Variants in PLCB1 observed in about 807,000 individuals in gnomAD.
The protein encoded by PLCB1 is 1-phosphatidylinositol 4,5-bisphosphate phosphodiesterase beta-1.
PLCB1 carries 46 observed loss-of-function variants against 161.8 expected under a neutral mutation model. The observed-to-expected ratio is 0.28, with a 90% CI of 0.22 to 0.36. The LOEUF is 0.36. Among genes scored for constraint, PLCB1 ranks in the 10% least tolerant of loss-of-function variants. The probability of loss-of-function intolerance (pLI) is 1.00; values close to 1 mark genes in which losing one functional copy is unlikely to be tolerated. For synonymous variants in PLCB1, 517 were observed against 503.7 expected, an observed-to-expected ratio of 1.03 and a Z score of -0.35; for missense variants, 1,016 against 1,472.5, an observed-to-expected ratio of 0.69 and a Z score of 5.07.
chr20:8,650,169 TG>T (rs60243470), intron 7 of PLCB1, among the ~76,000 whole-genome samples: 14,645 of 152,134 alleles, frequency 0.096, 1,477 homozygotes, highest in African/African-American at 0.25. Context: ...CCCTTCTTGA[TG>T]TTTTTTTTAA....
chr20:8,233,158 A>G (rs138870224), intron 2 of PLCB1, among the ~76,000 whole-genome samples: 33 of 152,284 alleles, frequency 2.2e-4, no homozygotes, highest in African/African-American at 7.9e-4. Context: ...TGTTACAGTC[A>G]TTTATTCAAT....
chr20:8,222,013 A>G (rs1025395127), intron 2 of PLCB1, among the ~76,000 whole-genome samples: 2 of 152,186 alleles, frequency 1.3e-5, no homozygotes, highest in African/African-American at 2.4e-5. Flanking sequence ...AAATCATGCA[A>G]TCATAGAGGC....
chr20:8,633,472 G>T (rs944985335), intron 4 of PLCB1, among the ~76,000 whole-genome samples: 11 of 152,052 alleles, frequency 7.2e-5, no homozygotes, highest in African/African-American at 2.7e-4. Context: ...GTATTTGATT[G>T]TATTAAAAAG....
rs191114592 is a variant in PLCB1, at chr20:8,806,283, A to G, written c.3423+16022A>G. 3.3e-5 allele frequency among the ~76,000 whole-genome samples: 5 copies of G among 152,078 alleles called. No individual in the cohort carries two copies. The East Asian group carries it at 9.7e-4, about 30-fold the overall frequency. ...GTTCATCGCATCTGCTGGGGAAGCA[A>G]TGCCAAGCAGAAGGAAAGGGAGACA... On this transcript the variant is annotated intron_variant, in intron 31 of 31. Coordinates refer to ENST00000338037, the MANE Select transcript of PLCB1 (RefSeq NM_015192.4).
chr20:8,708,920 T>A (rs551341088), intron 12 of PLCB1, among the ~76,000 whole-genome samples, 168 bp downstream of exon 12: 1 of 152,358 alleles, frequency 6.6e-6, no homozygotes, highest in Non-Finnish European at 1.5e-5. Flanking sequence ...CTTAAAATAA[T>A]CAACATTAAA....
chr20:8,830,023 GGTCTTTGATTTA>G (rs1413214249), intron 31 of PLCB1, among the ~76,000 whole-genome samples: 1 of 152,118 alleles, frequency 6.6e-6, no homozygotes, highest in Non-Finnish European at 1.5e-5. Flanking sequence ...CACTACCAGT[GGTCTTTGATTTA>G]TAACTGCTGG....
At chr20:8,146,654 C>CT (rs1217214826) in intron 1 of PLCB1, among the ~76,000 whole-genome samples, 2 of 151,894 alleles carry the variant, frequency 1.3e-5, no homozygotes, top group Admixed American at 6.6e-5. Context: ...TCCAGTGACT[C>CT]TTTTTTTTCT....
At position 8,533,676 on chromosome 20, in the gene PLCB1, C is replaced by A. The variant is rs560920403; in HGVS notation, c.247-94618C>A. On this transcript the variant is annotated intron_variant, in intron 3 of 31. Coordinates refer to ENST00000338037, the MANE Select transcript of PLCB1 (RefSeq NM_015192.4). Reference sequence around the variant, plus strand: ...ATAAATGTCTTCTTTTGAGAAGTGTCTGTTCGTGTCCTTCACCCACTTTTT... The same window carrying A: ...ATAAATGTCTTCTTTTGAGAAGTGTATGTTCGTGTCCTTCACCCACTTTTT... Among the ~76,000 whole-genome samples, 25 of 149,830 alleles carry A rather than the reference C, an allele frequency of 1.7e-4. 2 individuals are homozygous for A. The South Asian group carries it at 5.3e-3, about 32-fold the overall frequency.
At chr20:8,139,922 T>A (rs985613738) in intron 1 of PLCB1, among the ~76,000 whole-genome samples, 1 of 152,180 alleles carries the variant, frequency 6.6e-6, no homozygotes, top group African/African-American at 2.4e-5. Flanking sequence ...CCAAATAAAT[T>A]CATGCATATG....
chr20:8,717,714 A>T lies in PLCB1; in HGVS notation c.1379A>T (p.Tyr460Phe). Residue 460 changes from tyrosine to phenylalanine, a missense_variant, in exon 14 of 32, where the codon TAT becomes TTT. Transcript: ENST00000338037. ...VPLPSPMDLM[Y>F]KILVKNKKKS... ...CTTCCAAGCCCTATGGATTTAATGT[A>T]TAAAATTTTGGTGAAAAATAAGAAG... 2 of 1,613,658 alleles carry T rather than the reference A, an allele frequency of 1.2e-6. No homozygotes were observed. Among genetic ancestry groups the T allele is most frequent in the Non-Finnish European group, 1.7e-6 (2 of 1,179,744 alleles).
At chr20:8,832,202 G>C (rs893310548) in intron 31 of PLCB1, among the ~76,000 whole-genome samples, 7 of 152,048 alleles carry the variant, frequency 4.6e-5, no homozygotes, top group African/African-American at 9.7e-5. Flanking sequence ...AGAGACTTGA[G>C]TGGTTCCACT....
chr20:8,632,705 A>T (rs1454342299), intron 4 of PLCB1, among the ~76,000 whole-genome samples: 2 of 152,180 alleles, frequency 1.3e-5, no homozygotes, highest in African/African-American at 4.8e-5. Context: ...CTTGCACTAC[A>T]GCAGGTGCAA....
Position 8,681,106 on chromosome 20 carries a change from ATATATATATATAT to A in PLCB1, c.863-3825_863-3813del, listed in dbSNP as rs1568558224. Among the ~76,000 whole-genome samples the A allele has an allele frequency of 7.5e-3, 998 of 133,450 alleles. 43 individuals are homozygous for A. Among genetic ancestry groups the A allele is most frequent in the African/African-American group, 0.026 (942 of 35,690 alleles). The allele number at this position is 133,450 out of a possible 152,430, so 87.5% of individuals were successfully genotyped here. On this transcript the variant is annotated intron_variant, in intron 9 of 31. Coordinates refer to ENST00000338037, the MANE Select transcript of PLCB1 (RefSeq NM_015192.4). Reference sequence around the variant, plus strand: ...TGTGTGTATATATATATATATATATATATATATATATATAATATATATAAAATCAGTGTCTCAT... The same window carrying A: ...TGTGTGTATATATATATATATATATAAATATATATAAAATCAGTGTCTCAT...
At chr20:8,846,815 G>C (rs1568623145) in intron 31 of PLCB1, among the ~76,000 whole-genome samples, 1 of 152,102 alleles carries the variant, frequency 6.6e-6, no homozygotes, top group African/African-American at 2.4e-5. Flanking sequence ...TTCCATACAT[G>C]GTCCATACAA....
At chr20:8,344,781 A>G (rs1985938868) in intron 2 of PLCB1, among the ~76,000 whole-genome samples, 1 of 152,208 alleles carries the variant, frequency 6.6e-6, no homozygotes, top group South Asian at 2.1e-4. Flanking sequence ...GAACTCCTCT[A>G]GGTTTTGCTT....
chr20:8,545,925 G>A (rs552220225), intron 3 of PLCB1, among the ~76,000 whole-genome samples: 1 of 152,166 alleles, frequency 6.6e-6, no homozygotes, highest in Non-Finnish European at 1.5e-5. Flanking sequence ...GAAGTAACTT[G>A]CTTAAGGTGG....
intron 3 of PLCB1, among the ~76,000 whole-genome samples, chr20:8,450,716 C>G (rs915069056): frequency 6.6e-6 from 1 of 152,176 alleles, no homozygotes; most frequent in South Asian, 2.1e-4. Flanking sequence ...TGATTGTATA[C>G]TTTGTAGATT....
intron 31 of PLCB1, among the ~76,000 whole-genome samples, chr20:8,844,174 A>G (rs1424467102): frequency 6.6e-6 from 1 of 152,208 alleles, no homozygotes; most frequent in African/African-American, 2.4e-5. Context: ...TTTTCACCTC[A>G]GAATGTAGGA....
intron 3 of PLCB1, among the ~76,000 whole-genome samples, chr20:8,406,997 A>G (rs1385556748): frequency 6.6e-6 from 1 of 152,172 alleles, no homozygotes; most frequent in African/African-American, 2.4e-5. Flanking sequence ...CTGACAATCC[A>G]AAGAAGATTG....
Sources: gnomAD v4.1 joint callset for allele counts (sites outside exome capture counted in the v4.1 genomes callset) on GRCh38, gnomAD v4.1.1 for gene constraint, MANE v1.5 for transcripts, NCBI Gene and HGNC (gene_info 2026-07-23, HGNC 2026-07-21) for gene names.